The following PSPH variants were observed in gnomAD, a reference collection of about 807,000 sequenced individuals.
PSPH encodes phosphoserine phosphatase.
A neutral mutation model predicts 23.4 loss-of-function variants in PSPH; 16 were observed. The observed-to-expected ratio is 0.68, with a 90% confidence interval of 0.46 to 1.04. PSPH has a LOEUF of 1.04. Among genes scored for constraint, PSPH ranks in the 50% least tolerant of loss-of-function variants. The pLI, the probability that PSPH is intolerant of heterozygous loss-of-function variation, is 0.00. For synonymous variants in PSPH, 68 were observed against 99.7 expected, an observed-to-expected ratio of 0.68 and a Z score of 1.89; for missense variants, 223 against 273.7, an observed-to-expected ratio of 0.81 and a Z score of 1.31.
intron 3 of PSPH, among the ~76,000 whole-genome samples, chr7:56,028,344 C>A (rs1790495396): frequency 6.6e-6 from 1 of 152,042 alleles, no homozygotes; most frequent in East Asian, 1.9e-4. Flanking sequence ...CCTGCCTCAG[C>A]CTCCTGAGTA....
intron 1 of PSPH, among the ~76,000 whole-genome samples, chr7:56,048,037 G>A (rs1793489183): frequency 6.6e-6 from 1 of 152,172 alleles, no homozygotes; most frequent in Admixed American, 6.5e-5. Context: ...CCGGCACTTT[G>A]GGAGGCCAAG....
intron 7 of PSPH, among the ~76,000 whole-genome samples, chr7:56,013,883 T>C (rs1788259060): frequency 6.6e-6 from 1 of 152,174 alleles, no homozygotes; most frequent in African/African-American, 2.4e-5. Flanking sequence ...TACCAGCACT[T>C]TGGGAGGCCA....
At chr7:56,044,938 G>A (rs559738894) in intron 1 of PSPH, among the ~76,000 whole-genome samples, 10 of 151,808 alleles carry the variant, frequency 6.6e-5, no homozygotes, top group South Asian at 2.1e-4. Flanking sequence ...TGGGCATGCT[G>A]GTGCATGCCT....
At chr7:56,042,632 CAG>C (rs891387161) in intron 1 of PSPH, among the ~76,000 whole-genome samples, 2 of 139,950 alleles carry the variant, frequency 1.4e-5, no homozygotes, top group Non-Finnish European at 3.0e-5. Flanking sequence ...GCTTCGGCAA[CAG>C]AGTGGGACCC....
chr7:56,041,492 T>C (rs1308886966), intron 1 of PSPH, among the ~76,000 whole-genome samples: 2 of 151,946 alleles, frequency 1.3e-5, no homozygotes, highest in African/African-American at 4.8e-5. Context: ...ATTACAGGCA[T>C]GAGCCACCTA....
At chr7:56,014,713 G>A (rs1788353156) in intron 7 of PSPH, among the ~76,000 whole-genome samples, 1 of 152,082 alleles carries the variant, frequency 6.6e-6, no homozygotes, top group Non-Finnish European at 1.5e-5. Flanking sequence ...GGAGGCTGAA[G>A]CAGGCAGATC....
At chr7:56,045,026 C>T (rs1017757856) in intron 1 of PSPH, among the ~76,000 whole-genome samples, 3 of 145,970 alleles carry the variant, frequency 2.1e-5, no homozygotes, top group African/African-American at 5.1e-5. Context: ...GAGCTGAGAT[C>T]GTGCCATTGC....
chr7:56,022,755 G>A (rs1431568254), intron 3 of PSPH, among the ~76,000 whole-genome samples: 1 of 152,108 alleles, frequency 6.6e-6, no homozygotes, highest in Non-Finnish European at 1.5e-5. Context: ...TGAAGACATG[G>A]TCTGATTAAA....
chr7:56,048,959 A>G (rs13241531), intron 1 of PSPH, among the ~76,000 whole-genome samples: 5,805 of 151,074 alleles, frequency 0.038, 156 homozygotes, highest in African/African-American at 0.073. Flanking sequence ...TCACTGTGTC[A>G]CCCAGGCTGG....
intron 1 of PSPH, among the ~76,000 whole-genome samples, chr7:56,041,985 G>A (rs1792606675): frequency 6.6e-6 from 1 of 151,614 alleles, no homozygotes; most frequent in Non-Finnish European, 1.5e-5. Flanking sequence ...CACTTTGGGT[G>A]GCCGAGGCTG....
intron 3 of PSPH, among the ~76,000 whole-genome samples, chr7:56,023,491 G>A (rs1416759262): frequency 9.9e-5 from 15 of 151,970 alleles, no homozygotes. Context: ...TTCAACTCCT[G>A]GACTCAAGCA....
At chr7:56,018,725 G>A (rs1468864301) in intron 5 of PSPH, among the ~76,000 whole-genome samples, 2 of 151,970 alleles carry the variant, frequency 1.3e-5, no homozygotes, top group African/African-American at 4.8e-5. Flanking sequence ...ACTTTGGGAG[G>A]CTGAGGTGGG....
intron 5 of PSPH, 94 bp downstream of exon 5, chr7:56,019,506 A>C: frequency 1.3e-6 from 2 of 1,496,092 alleles, no homozygotes; most frequent in Non-Finnish European, 1.8e-6. Context: ...TAAACCACCC[A>C]GAGGGCACTC....
chr7:56,012,606 T>TA (rs2116447065), intron 7 of PSPH, among the ~76,000 whole-genome samples: 1 of 151,776 alleles, frequency 6.6e-6, no homozygotes, highest in Admixed American at 6.5e-5. Context: ...ACATTGGTTA[T>TA]AAATTATCTA....
intron 1 of PSPH, among the ~76,000 whole-genome samples, chr7:56,042,813 A>G (rs978016115): frequency 1.3e-5 from 2 of 152,168 alleles, no homozygotes; most frequent in African/African-American, 4.8e-5. Flanking sequence ...TTGAGACACC[A>G]TCTCCAAAAA....
Position 56,011,646 on chromosome 7 carries a change from C to T in PSPH, c.*116G>A. The T allele has an allele frequency of 1.3e-6, 1 of 760,212 alleles. No individual in the cohort carries two copies. The allele number at this position is 760,212 out of a possible 1,614,324, so 47.1% of individuals were successfully genotyped here. The stretch of plus-strand genomic sequence containing the variant: ...CCTAACTGTAGTTTAAAGTACAGAT[C>T]ATTTGTACCAACTTTCTATAGCAAG... On this transcript the variant is annotated 3_prime_UTR_variant, in exon 8 of 8. Coordinates refer to ENST00000275605, the MANE Select transcript of PSPH (RefSeq NM_004577.4).
intron 3 of PSPH, among the ~76,000 whole-genome samples, chr7:56,025,538 C>T (rs922202128): frequency 2.0e-5 from 3 of 151,798 alleles, no homozygotes; most frequent in African/African-American, 2.4e-5. Context: ...GAACTACAGG[C>T]GTGAGCAACT....
rs71015171 is a variant in PSPH, at chr7:56,049,753, A to AT, written c.-292+1384dup. Among the ~76,000 whole-genome samples, 48 of 146,476 alleles carry AT rather than the reference A, an allele frequency of 3.3e-4. 1 individual carries two copies. The highest frequency in any genetic ancestry group is 8.6e-4 in the African/African-American group (34 of 39,336). ...GTACCTGGCCTTTATTATTATTATTATTTTTTTTGAGGAATCTCGCTCTGT... is the reference window on the plus strand; with the variant it reads ...GTACCTGGCCTTTATTATTATTATTATTTTTTTTTGAGGAATCTCGCTCTGT... On this transcript the variant is annotated intron_variant, in intron 1 of 7. Transcript: ENST00000275605.
chr7:56,048,858 T>C (rs1793596460), intron 1 of PSPH, among the ~76,000 whole-genome samples: 2 of 150,832 alleles, frequency 1.3e-5, no homozygotes, highest in African/African-American at 2.4e-5. Context: ...TTTTGTTAGA[T>C]AGGTATACAT....
Sources: gnomAD v4.1 joint callset for allele counts (sites outside exome capture counted in the v4.1 genomes callset) on GRCh38, gnomAD v4.1.1 for gene constraint, MANE v1.5 for transcripts, NCBI Gene and HGNC (gene_info 2026-07-23, HGNC 2026-07-21) for gene names.